The following PCDHGA6 variants were observed in gnomAD, a reference collection of about 807,000 sequenced individuals.
PCDHGA6 encodes protocadherin gamma-A6.
In PCDHGA6, 41 loss-of-function variants were observed where a neutral mutation model predicts 60.6. That is an observed-to-expected ratio of 0.68 (90% confidence interval 0.53 to 0.88). The LOEUF (loss-of-function observed/expected upper bound fraction) is 0.88, where lower values mean the gene tolerates loss of function less well. Ranked by LOEUF, PCDHGA6 falls within the 40% of genes least tolerant of loss-of-function variation. The pLI, the probability that PCDHGA6 is intolerant of heterozygous loss-of-function variation, is 0.00. For synonymous variants in PCDHGA6, 594 were observed against 524.4 expected, an observed-to-expected ratio of 1.13 and a Z score of -1.81; for missense variants, 1,312 against 1,203.0, an observed-to-expected ratio of 1.09 and a Z score of -1.34.
chr5:141,393,450 A>G, intron 1 of PCDHGA6: 1 of 1,614,028 alleles, frequency 6.2e-7, no homozygotes, highest in Non-Finnish European at 8.5e-7. Context: ...CCTGGTCCTC[A>G]CGGCCTCGGA....
rs745658462 is a variant in PCDHGA6 at position 141,414,720 on chromosome 5, T to C, written c.2424+38213T>C. 6 of 1,614,132 alleles carry C rather than the reference T, an allele frequency of 3.7e-6. No homozygotes were observed. The East Asian group carries it at 1.3e-4, about 36-fold the overall frequency. ...CATACATATCCATCAACTCAGACAC[T>C]GGCGTCCTGTATGCACTCAGATCCT... On this transcript the variant is annotated intron_variant, in intron 1 of 3. Coordinates refer to ENST00000517434, the MANE Select transcript of PCDHGA6 (RefSeq NM_018919.3).
In PCDHGA6 at chr5:141,493,468, T is replaced by C. The variant is rs960204561; in HGVS notation, c.2425-1339T>C. On this transcript the variant is annotated intron_variant, in intron 1 of 3. Transcript: ENST00000517434. The surrounding 1 kb of genome is among the most constrained non-coding windows in gnomAD (Gnocchi z 4.3). ...TGGGGTTCCTTCCCTTTTAGGACCT[T>C]ACATGTGGGGAAAGTCTTCTGTGGC... Among the ~76,000 whole-genome samples the C allele has an allele frequency of 4.6e-5, 7 of 152,144 alleles. No individual in the cohort carries two copies. Among genetic ancestry groups the C allele is most frequent in the African/African-American group, 1.4e-4 (6 of 41,426 alleles).
chr5:141,390,000 A>G, intron 1 of PCDHGA6: 2 of 1,613,856 alleles, frequency 1.2e-6, no homozygotes, highest in Non-Finnish European at 1.7e-6. Flanking sequence ...CGTGGCCATG[A>G]TTCTGGCCAT....
intron 1 of PCDHGA6, among the ~76,000 whole-genome samples, chr5:141,430,013 G>T (rs2097256191): frequency 6.6e-6 from 1 of 151,922 alleles, no homozygotes; most frequent in South Asian, 2.1e-4. Context: ...TTTTCACTTG[G>T]GTTCTTGTTA....
In PCDHGA6 at chr5:141,405,177, G is replaced by C. The variant is rs370032217; in HGVS notation, c.2424+28670G>C. On this transcript the variant is annotated intron_variant, in intron 1 of 3. Coordinates refer to ENST00000517434, the MANE Select transcript of PCDHGA6 (RefSeq NM_018919.3). Reference sequence around the variant, plus strand: ...GGTGTGCCCACCTCACACTTTGTGGGTGTAGATGGGGTTCGAGCTTTCCTA... The same window carrying C: ...GGTGTGCCCACCTCACACTTTGTGGCTGTAGATGGGGTTCGAGCTTTCCTA... 1.6e-5 allele frequency: 26 copies of C among 1,614,140 alleles called. No homozygotes were observed. The highest frequency in any genetic ancestry group is 2.0e-5 in the Non-Finnish European group (24 of 1,180,024).
chr5:141,399,043 G>T lies in PCDHGA6; in HGVS notation c.2424+22536G>T, dbSNP rs545668357. The T allele has an allele frequency of 3.0e-5, 48 of 1,613,890 alleles. No homozygotes were observed. The South Asian group carries it at 4.9e-4, about 17-fold the overall frequency. ...TACCACTCAAAAGAAACTGGATTTTGAAGAGACCAAGGAATATTCAATGGT... is the reference window on the plus strand; with the variant it reads ...TACCACTCAAAAGAAACTGGATTTTTAAGAGACCAAGGAATATTCAATGGT... On this transcript the variant is annotated intron_variant, in intron 1 of 3. Transcript: ENST00000517434.
intron 1 of PCDHGA6, among the ~76,000 whole-genome samples, chr5:141,467,421 G>T (rs957302311): frequency 6.6e-6 from 1 of 152,100 alleles, no homozygotes; most frequent in African/African-American, 2.4e-5. Flanking sequence ...CCACACCTAG[G>T]TTATAGAAAC....
At chr5:141,503,675 T>C (rs1233495836) in intron 2 of PCDHGA6, among the ~76,000 whole-genome samples, 1 of 152,104 alleles carries the variant, frequency 6.6e-6, no homozygotes. Flanking sequence ...CTTCCCACTT[T>C]TGGGAAGGAG....
intron 1 of PCDHGA6, chr5:141,419,208 C>G: frequency 5.6e-6 from 9 of 1,613,966 alleles, no homozygotes; most frequent in Non-Finnish European, 6.8e-6. Flanking sequence ...GACAACGCGC[C>G]GGTTTTCGGA....
intron 1 of PCDHGA6, among the ~76,000 whole-genome samples, chr5:141,444,473 G>A (rs943971075): frequency 2.6e-5 from 4 of 151,972 alleles, no homozygotes; most frequent in Admixed American, 6.6e-5. Flanking sequence ...GCCCGGTCGC[G>A]TACTGGATTT....
chr5:141,398,787 A>T, intron 1 of PCDHGA6: 1 of 1,613,902 alleles, frequency 6.2e-7, no homozygotes, highest in African/African-American at 1.3e-5. Flanking sequence ...GTGGACATCC[A>T]CCCCTAAGCG....
At chr5:141,405,448 C>G in intron 1 of PCDHGA6, 1 of 1,314,742 alleles carries the variant, frequency 7.6e-7, no homozygotes, top group Non-Finnish European at 1.1e-6. Context: ...GAGACAGAGT[C>G]TTACTCTGTT....
intron 1 of PCDHGA6, chr5:141,390,162 A>G: frequency 6.2e-7 from 1 of 1,614,024 alleles, no homozygotes; most frequent in African/African-American, 1.3e-5. Context: ...TACAGGAAAG[A>G]CGGAGTTTAA....
chr5:141,429,314 C>A (rs1463397731), intron 1 of PCDHGA6, among the ~76,000 whole-genome samples: 2 of 151,722 alleles, frequency 1.3e-5, no homozygotes, highest in Admixed American at 6.6e-5. Flanking sequence ...GTATATAAGG[C>A]TTTTTCTTTA....
chr5:141,400,299 A>C, intron 1 of PCDHGA6: 1 of 1,613,834 alleles, frequency 6.2e-7, no homozygotes, highest in South Asian at 1.1e-5. Context: ...GCTGCTTCCA[A>C]CCTGGTCTCT....
intron 1 of PCDHGA6, among the ~76,000 whole-genome samples, chr5:141,454,379 T>A (rs770736083): frequency 1.2e-3 from 179 of 152,316 alleles, no homozygotes; most frequent in Non-Finnish European, 2.1e-3. Flanking sequence ...TGGCAACTTG[T>A]CAAGATGAAG....
At position 141,493,093 on chromosome 5, in the gene PCDHGA6, A is replaced by G. The variant is rs78102761; in HGVS notation, c.2425-1714A>G. On this transcript the variant is annotated intron_variant, in intron 1 of 3. Transcript: ENST00000517434. The surrounding 1 kb of genome is among the most constrained non-coding windows in gnomAD (Gnocchi z 4.3). ...CTCCAACTCCAGGAGCTTTTATTCA[A>G]AATATATCAATGCCTAACTCTGCTC... 0.034 allele frequency among the ~76,000 whole-genome samples: 5,198 copies of G among 152,282 alleles called. 159 individuals carry two copies. Among genetic ancestry groups the G allele is most frequent in the African/African-American group, 0.079 (3,275 of 41,546 alleles).
chr5:141,487,380 G>A lies in PCDHGA6; in HGVS notation c.2425-7427G>A. On this transcript the variant is annotated intron_variant, in intron 1 of 3. Transcript: ENST00000517434. This position sits in a 1 kb window ranked among gnomAD's most constrained non-coding sequence, Gnocchi z 5.0. ...GCTGGCACCTGTGCCTGTCTCACCA[G>A]ATCTCGAAGGAGGGAGGGGCTTCCC... is the stretch of plus-strand genomic sequence containing the variant. The A allele has an allele frequency of 1.2e-6, 2 of 1,614,202 alleles. No individual in the cohort carries two copies. The highest frequency in any genetic ancestry group is 2.2e-5 in the South Asian group (2 of 91,078).
chr5:141,410,084 ACGG>A (rs748556729), intron 1 of PCDHGA6: 3 of 1,612,532 alleles, frequency 1.9e-6, no homozygotes, highest in Non-Finnish European at 2.5e-6. Context: ...GGAGGTGCGC[ACGG>A]CTCGAGCCTT....
Sources: allele counts gnomAD v4.1 joint callset (sites outside exome capture counted in the v4.1 genomes callset), GRCh38; gene constraint gnomAD v4.1.1; non-coding constraint Gnocchi (gnomAD v3.1); transcripts MANE v1.5; gene names NCBI Gene and HGNC (gene_info 2026-07-23, HGNC 2026-07-21).